The following RBFOX1 variants were observed in gnomAD, a reference collection of about 807,000 sequenced individuals.
The protein encoded by RBFOX1 is RNA binding protein fox-1 homolog 1.
In RBFOX1, 8 loss-of-function variants were observed where a neutral mutation model predicts 57.7. That is an observed-to-expected ratio of 0.14 (90% confidence interval 0.08 to 0.25). RBFOX1 has a LOEUF of 0.25. RBFOX1 is among the 10% of genes least tolerant of loss of function. The pLI, the probability that RBFOX1 is intolerant of heterozygous loss-of-function variation, is 1.00. For missense variants in RBFOX1, 611 were observed against 548.5 expected (o/e 1.11, Z -1.14); for synonymous variants, 326 against 222.4 (o/e 1.47, Z -4.15).
intron 2 of RBFOX1, among the ~76,000 whole-genome samples, chr16:5,534,219 T>C (rs770940017): frequency 1.3e-5 from 2 of 152,082 alleles, no homozygotes; most frequent in Non-Finnish European, 2.9e-5. Flanking sequence ...GTGGTGGGTG[T>C]TGGGATTTGT....
chr16:5,919,845 A>G (rs770414441), intron 4 of RBFOX1, among the ~76,000 whole-genome samples: 1 of 152,142 alleles, frequency 6.6e-6, no homozygotes, highest in Non-Finnish European at 1.5e-5. Context: ...GGTATTTCCT[A>G]TACATGGAGT....
rs1181098582 is a variant in RBFOX1, at chr16:7,074,404, GCAATTATTTTGCA to G, written c.27+22307_27+22319del. On this transcript the variant is annotated intron_variant, in intron 4 of 15. Transcript: ENST00000550418. ...AATAATTAAAATAATGGCAAAAGCT[GCAATTATTTTGCA>G]TCAACCTAATAAAATTGACAGTACA... Among the ~76,000 whole-genome samples the G allele has an allele frequency of 3.0e-4, 46 of 152,152 alleles. 1 individual carries two copies. The highest frequency in any genetic ancestry group is 1.1e-3 in the African/African-American group (45 of 41,424).
intron 3 of RBFOX1, among the ~76,000 whole-genome samples, chr16:6,871,707 T>C (rs576361982): frequency 9.9e-4 from 150 of 152,154 alleles, no homozygotes; most frequent in Non-Finnish European, 7.5e-4. Context: ...CTATTCTCCA[T>C]ATACCAGAAA....
At chr16:6,814,497 TG>T (rs2089594758) in intron 3 of RBFOX1, among the ~76,000 whole-genome samples, 1 of 152,146 alleles carries the variant, frequency 6.6e-6, no homozygotes, top group Non-Finnish European at 1.5e-5. Context: ...TAGAGTCTAG[TG>T]GGAGACAGGC....
chr16:5,688,487 A>G (rs528675140), intron 3 of RBFOX1, among the ~76,000 whole-genome samples: 7 of 152,114 alleles, frequency 4.6e-5, no homozygotes, highest in South Asian at 2.1e-4. Flanking sequence ...TGCATTTCCT[A>G]TTTGTAAGAA....
At chr16:6,501,791 A>T (rs2095939200) in intron 2 of RBFOX1, among the ~76,000 whole-genome samples, 1 of 151,098 alleles carries the variant, frequency 6.6e-6, no homozygotes, top group Admixed American at 6.6e-5. Context: ...AAAATGGGTG[A>T]TTATTCCTCC....
intron 1 of RBFOX1, among the ~76,000 whole-genome samples, chr16:5,396,344 G>C (rs2066555014): frequency 6.6e-6 from 1 of 152,100 alleles, no homozygotes; most frequent in Admixed American, 6.6e-5. Context: ...TGGCTGAATA[G>C]ATGAAAGAAG....
At chr16:5,734,777 C>G (rs868078973) in intron 3 of RBFOX1, among the ~76,000 whole-genome samples, 5 of 152,156 alleles carry the variant, frequency 3.3e-5, no homozygotes, top group South Asian at 2.1e-4. Flanking sequence ...AATAGCATAT[C>G]CTTGGCTTGG....
chr16:6,736,276 T>C (rs62017577), intron 3 of RBFOX1, among the ~76,000 whole-genome samples: 2,709 of 152,276 alleles, frequency 0.018, 34 homozygotes, highest in Non-Finnish European at 0.026. Flanking sequence ...GGTGCACCCA[T>C]CACTGCATCA....
At chr16:6,787,270 G>C (rs1489209463) in intron 3 of RBFOX1, among the ~76,000 whole-genome samples, 1 of 152,090 alleles carries the variant, frequency 6.6e-6, no homozygotes, top group African/African-American at 2.4e-5. Context: ...GCCCGTTCTA[G>C]GCAGCATAAT....
At chr16:6,790,252 T>A (rs1229240931) in intron 3 of RBFOX1, among the ~76,000 whole-genome samples, 1 of 151,518 alleles carries the variant, frequency 6.6e-6, no homozygotes, top group Non-Finnish European at 1.5e-5. Flanking sequence ...TGGTACAATT[T>A]TAGCTTAGTG....
chr16:7,667,836 G>A (rs1028558090), intron 13 of RBFOX1, among the ~76,000 whole-genome samples: 2 of 151,950 alleles, frequency 1.3e-5, no homozygotes, highest in Admixed American at 6.6e-5. Context: ...ACCACCCCTG[G>A]CTAATTTTTG....
chr16:7,088,096 T>C (rs981458365), intron 4 of RBFOX1, among the ~76,000 whole-genome samples: 3 of 152,192 alleles, frequency 2.0e-5, no homozygotes, highest in African/African-American at 7.2e-5. Context: ...GCTGCAATTT[T>C]ATTTTCAGTT....
chr16:6,045,062 C>G (rs1349987074), intron 1 of RBFOX1, among the ~76,000 whole-genome samples: 1 of 152,182 alleles, frequency 6.6e-6, no homozygotes, highest in Non-Finnish European at 1.5e-5. Flanking sequence ...TTGGATGGGG[C>G]TGTTCTTAAG....
chr16:7,231,566 A>G (rs1411507028), intron 4 of RBFOX1, among the ~76,000 whole-genome samples: 1 of 152,226 alleles, frequency 6.6e-6, no homozygotes, highest in Non-Finnish European at 1.5e-5. Context: ...TTGTAAACAG[A>G]TTCACTTGAA....
At position 6,660,181 on chromosome 16, in the gene RBFOX1, G is replaced by A. The variant is rs149131620; in HGVS notation, c.-16+5531G>A. Among the ~76,000 whole-genome samples, 318 of 149,814 alleles carry A rather than the reference G, an allele frequency of 2.1e-3. 2 individuals are homozygous for A. The highest frequency in any genetic ancestry group is 8.1e-3 in the East Asian group (41 of 5,046). On this transcript the variant is annotated intron_variant, in intron 3 of 15. Transcript: ENST00000550418. ...AGAGGTTGCAGTGAGCTGAGATCTC[G>A]CCATTGCCCTTCAGCCTGGGCAATA...
rs566030156 is a variant in RBFOX1, at chr16:6,019,906, G to C, written c.-213G>C. ...TTCCGCCGCCTCCAGCTTATGGTGA[G>C]TGTGGCTGGGGGTGCAGAGAGCGCA... On this transcript the variant is annotated 5_prime_UTR_variant, in exon 1 of 16. Coordinates refer to ENST00000550418, the MANE Select transcript of RBFOX1 (RefSeq NM_018723.4). This position sits in a 1 kb window ranked among gnomAD's most constrained non-coding sequence, Gnocchi z 4.2. 4.6e-5 allele frequency: 70 copies of C among 1,535,000 alleles called. No homozygotes were observed. The highest frequency in any genetic ancestry group is 5.8e-5 in the Non-Finnish European group (66 of 1,146,552).
chr16:6,026,323 A>G (rs1257396958), intron 1 of RBFOX1, among the ~76,000 whole-genome samples: 1 of 152,230 alleles, frequency 6.6e-6, no homozygotes, highest in African/African-American at 2.4e-5. Flanking sequence ...GAATTATTCC[A>G]TTTGATGCTT....
intron 1 of RBFOX1, among the ~76,000 whole-genome samples, chr16:6,157,928 A>G (rs2096850005): frequency 6.6e-6 from 1 of 152,186 alleles, no homozygotes. Context: ...TATTGGATGG[A>G]TTTAAGTCAT....
Sources: allele counts gnomAD v4.1 joint callset (sites outside exome capture counted in the v4.1 genomes callset), GRCh38; gene constraint gnomAD v4.1.1; non-coding constraint Gnocchi (gnomAD v3.1); transcripts MANE v1.5; gene names NCBI Gene and HGNC (gene_info 2026-07-23, HGNC 2026-07-21).